SGCD: variants seen among roughly 807,000 people sequenced by gnomAD.
SGCD encodes sarcoglycan delta, also known as delta-sarcoglycan.
SGCD carries 18 observed loss-of-function variants against 36.6 expected under a neutral mutation model. The observed-to-expected ratio is 0.49, with a 90% confidence interval of 0.34 to 0.73. The LOEUF (loss-of-function observed/expected upper bound fraction) is 0.73. Ranked by LOEUF, SGCD falls within the 30% of genes least tolerant of loss-of-function variation. The pLI, the probability that SGCD is intolerant of heterozygous loss-of-function variation, is 0.01. For synonymous variants in SGCD, 133 were observed against 130.6 expected (o/e 1.02, Z -0.12); for missense variants, 387 against 346.7 (o/e 1.12, Z -0.92).
At chr5:156,334,199 G>A (rs1768211188) in intron 2 of SGCD, among the ~76,000 whole-genome samples, 1 of 152,048 alleles carries the variant, frequency 6.6e-6, no homozygotes, top group Non-Finnish European at 1.5e-5. Context: ...ATCTGGTTCT[G>A]GTGGGAATCA....
At chr5:156,079,676 T>C (rs1760897469) in intron 1 of SGCD, among the ~76,000 whole-genome samples, 1 of 152,230 alleles carries the variant, frequency 6.6e-6, no homozygotes, top group African/African-American at 2.4e-5. Context: ...TGAAATAGTC[T>C]TCTTTGACTC....
chr5:156,475,273 A>G (rs370105713), intron 3 of SGCD, among the ~76,000 whole-genome samples: 4 of 152,194 alleles, frequency 2.6e-5, no homozygotes, highest in South Asian at 4.2e-4. Flanking sequence ...AGCTGCAGCC[A>G]CCATTATCCC....
intron 4 of SGCD, among the ~76,000 whole-genome samples, chr5:156,539,161 G>C (rs1225338787): frequency 6.6e-6 from 1 of 151,990 alleles, no homozygotes; most frequent in East Asian, 1.9e-4. Context: ...CAAAGGGAAG[G>C]AAGGGGTGTG....
chr5:156,625,461 T>C (rs1477425676), intron 6 of SGCD, among the ~76,000 whole-genome samples: 1 of 152,202 alleles, frequency 6.6e-6, no homozygotes, highest in Non-Finnish European at 1.5e-5. Flanking sequence ...ACAACTTGAC[T>C]AGGATAGGAA....
At chr5:156,443,050 TCTC>T (rs1208167106) in intron 3 of SGCD, among the ~76,000 whole-genome samples, 1 of 152,208 alleles carries the variant, frequency 6.6e-6, no homozygotes, top group African/African-American at 2.4e-5. Flanking sequence ...AGTGGGTCAA[TCTC>T]AGCTCACTGC....
chr5:156,573,814 C>T (rs1759817771), intron 4 of SGCD, among the ~76,000 whole-genome samples: 1 of 152,116 alleles, frequency 6.6e-6, no homozygotes, highest in South Asian at 2.1e-4. Flanking sequence ...TCAACTCTGC[C>T]TCCCCAGTAG....
intron 6 of SGCD, among the ~76,000 whole-genome samples, chr5:156,633,111 T>C (rs1432209790): frequency 6.6e-6 from 1 of 152,208 alleles, no homozygotes; most frequent in Admixed American, 6.5e-5. Flanking sequence ...AGATTACACC[T>C]CTTGCACATC....
intron 1 of SGCD, among the ~76,000 whole-genome samples, chr5:156,084,374 C>T (rs1761043584): frequency 6.6e-6 from 1 of 152,094 alleles, no homozygotes; most frequent in South Asian, 2.1e-4. Flanking sequence ...GGTGTTATTG[C>T]TTAATTTCAG....
chr5:156,689,407 G>A (rs1581402870), intron 7 of SGCD, among the ~76,000 whole-genome samples: 1 of 152,142 alleles, frequency 6.6e-6, no homozygotes, highest in South Asian at 2.1e-4. Context: ...TATACAAAAG[G>A]AAGCCATAGT....
At chr5:156,411,632 C>T (rs1378706736) in intron 3 of SGCD, among the ~76,000 whole-genome samples, 2 of 152,140 alleles carry the variant, frequency 1.3e-5, no homozygotes, top group Non-Finnish European at 2.9e-5. Context: ...TATCTGCCTG[C>T]CAGGGCTATT....
At chr5:156,519,510 G>A (rs550452264) in intron 4 of SGCD, among the ~76,000 whole-genome samples, 4 of 152,102 alleles carry the variant, frequency 2.6e-5, no homozygotes, top group East Asian at 1.9e-4. Flanking sequence ...CTTCCCTAAC[G>A]CATTTTATGA....
At chr5:156,717,401 G>A (rs760509665) in intron 7 of SGCD, among the ~76,000 whole-genome samples, 2 of 152,136 alleles carry the variant, frequency 1.3e-5, no homozygotes, top group Admixed American at 6.5e-5. Flanking sequence ...GCTCCCTCAT[G>A]CCTTGGTGGT....
At chr5:155,854,467 G>A in the SGCD span, among the ~76,000 whole-genome samples, 2 of 152,114 alleles carry the variant, frequency 1.3e-5, no homozygotes, top group South Asian at 4.1e-4. Context: ...TTTCGTGGAT[G>A]TAAAAATAAA....
chr5:156,134,210 T>C (rs1390001235), intron 3 of SGCD, among the ~76,000 whole-genome samples: 5 of 152,138 alleles, frequency 3.3e-5, no homozygotes, highest in Non-Finnish European at 7.3e-5. Flanking sequence ...TTTACACCAG[T>C]ACACCAGCAT....
chr5:156,084,935 A>G (rs1212933047), intron 1 of SGCD, among the ~76,000 whole-genome samples: 3 of 152,168 alleles, frequency 2.0e-5, no homozygotes, highest in Non-Finnish European at 4.4e-5. Flanking sequence ...TTATATGTCA[A>G]TTGGTATTAT....
chr5:156,287,409 G>A (rs1766636769), intron 3 of SGCD, among the ~76,000 whole-genome samples: 1 of 152,084 alleles, frequency 6.6e-6, no homozygotes, highest in African/African-American at 2.4e-5. Context: ...GGTTGGCCTA[G>A]AAAGGCGCAT....
At chr5:155,913,726 G>T (rs920083423) in intron 1 of SGCD, among the ~76,000 whole-genome samples, 2 of 152,134 alleles carry the variant, frequency 1.3e-5, no homozygotes, top group Admixed American at 1.3e-4. Context: ...TATATTTGAA[G>T]TAGGATTCTT....
intron 7 of SGCD, among the ~76,000 whole-genome samples, chr5:156,664,888 TG>T (rs1764079020): frequency 6.9e-6 from 1 of 144,284 alleles, no homozygotes; most frequent in South Asian, 2.3e-4. Context: ...CTCTCCCTCT[TG>T]GGCTCCTTCT....
At chr5:156,270,882 T>C (rs1179044963) in intron 3 of SGCD, among the ~76,000 whole-genome samples, 1 of 152,188 alleles carries the variant, frequency 6.6e-6, no homozygotes, top group African/African-American at 2.4e-5. Context: ...GTCCCATAGA[T>C]GGTGGAAGAC....
Sources: allele counts gnomAD v4.1 joint callset (sites outside exome capture counted in the v4.1 genomes callset), GRCh38; gene constraint gnomAD v4.1.1; transcripts MANE v1.5; gene names NCBI Gene and HGNC (gene_info 2026-07-23, HGNC 2026-07-21).